The following CTNNA3 variants were observed in gnomAD, a reference collection of about 807,000 sequenced individuals.
The protein encoded by CTNNA3 is catenin alpha-3.
CTNNA3 carries 76 observed loss-of-function variants against 95.7 expected under a neutral mutation model. That is an observed-to-expected ratio of 0.79 (90% confidence interval 0.66 to 0.96). The LOEUF is 0.96. Among genes scored for constraint, CTNNA3 ranks in the 40% least tolerant of loss-of-function variants. The pLI is 0.00. For missense variants in CTNNA3, 1,191 were observed against 1,089.8 expected, an observed-to-expected ratio of 1.09 and a Z score of -1.31; for synonymous variants, 431 against 374.4, an observed-to-expected ratio of 1.15 and a Z score of -1.74.
intron 15 of CTNNA3, among the ~76,000 whole-genome samples, chr10:66,033,083 T>C (rs75430119): frequency 0.022 from 3,366 of 152,120 alleles, 124 homozygotes; most frequent in African/African-American, 0.077. Context: ...TGCTCCTCCC[T>C]GGAAGTTACA....
At position 66,367,054 on chromosome 10, in the gene CTNNA3, C is replaced by G. The variant is rs932887053; in HGVS notation, c.1732+12098G>C. ...AGAATGTGCAGCCCACACACCCGGGCCTGGGAGACTTGCACACCTACCTAG... is the reference window on the plus strand; with the variant it reads ...AGAATGTGCAGCCCACACACCCGGGGCTGGGAGACTTGCACACCTACCTAG... On this transcript the variant is annotated intron_variant, in intron 12 of 17. Transcript: ENST00000433211. Among the ~76,000 whole-genome samples the G allele has an allele frequency of 2.0e-5, 3 of 152,126 alleles. No homozygotes were observed. In the South Asian group the frequency reaches 6.2e-4, roughly 31 times the overall value.
At chr10:67,175,056 A>G (rs1226079953) in intron 7 of CTNNA3, among the ~76,000 whole-genome samples, 1 of 143,282 alleles carries the variant, frequency 7.0e-6, no homozygotes, top group African/African-American at 2.6e-5. Context: ...GACAATTCTC[A>G]TATGCAGTCC....
intron 5 of CTNNA3, among the ~76,000 whole-genome samples, chr10:67,371,160 C>T (rs1024890557): frequency 2.6e-5 from 4 of 151,892 alleles, no homozygotes; most frequent in Non-Finnish European, 5.9e-5. Flanking sequence ...GCCACCGCGC[C>T]CGGCCAAGAG....
chr10:67,184,775 T>G (rs1862753190), intron 6 of CTNNA3, among the ~76,000 whole-genome samples: 1 of 152,238 alleles, frequency 6.6e-6, no homozygotes, highest in Non-Finnish European at 1.5e-5. Context: ...TTTACCATTC[T>G]TTTGCCCAGT....
rs1447578377 is a variant in CTNNA3 at position 67,301,994 on chromosome 10, CGAAAGAACGAAA to C, written c.580-82136_580-82125del. ...AAAGAAAAAAGAAAGAAAGAAAGAA[CGAAAGAACGAAA>C]GAAAGAAAGAAAGAAAGAAAGAAAG... On this transcript the variant is annotated intron_variant, in intron 5 of 17. Coordinates refer to ENST00000433211, the MANE Select transcript of CTNNA3 (RefSeq NM_013266.4). 4.4e-3 allele frequency among the ~76,000 whole-genome samples: 160 copies of C among 36,638 alleles called. 2 individuals carry two copies. Among genetic ancestry groups the C allele is most frequent in the African/African-American group, 7.5e-3 (25 of 3,326 alleles). The allele number at this position is 36,638 out of a possible 152,430, so 24.0% of individuals were successfully genotyped here.
At chr10:65,997,156 G>T (rs1446705695) in intron 15 of CTNNA3, among the ~76,000 whole-genome samples, 1 of 152,064 alleles carries the variant, frequency 6.6e-6, no homozygotes, top group Non-Finnish European at 1.5e-5. Flanking sequence ...TCTCATAGTG[G>T]TTCTCCCACT....
chr10:67,662,772 G>A (rs550011347), intron 1 of CTNNA3, among the ~76,000 whole-genome samples: 7 of 152,096 alleles, frequency 4.6e-5, no homozygotes, highest in Non-Finnish European at 7.4e-5. Flanking sequence ...ATTTGATTGT[G>A]GCGGTGATGG....
rs1020079642 is a variant in CTNNA3 at position 66,999,713 on chromosome 10, A to C, written c.1047+180604T>G. The stretch of plus-strand genomic sequence containing the variant: ...TAGAAATGAATAATGTACATTTCAT[A>C]AGTCTTTAAGCAAAAAACAATTGGC... On this transcript the variant is annotated intron_variant, in intron 7 of 17. Transcript: ENST00000433211. Among the ~76,000 whole-genome samples the C allele has an allele frequency of 2.0e-5, 3 of 152,198 alleles. No individual in the cohort carries two copies. In the East Asian group the frequency reaches 5.8e-4, roughly 29 times the overall value.
intron 9 of CTNNA3, among the ~76,000 whole-genome samples, chr10:66,721,858 C>T (rs574617722): frequency 6.6e-6 from 1 of 152,288 alleles, no homozygotes; most frequent in South Asian, 2.1e-4. Context: ...AATCCTCATG[C>T]TGTCATACCC....
In CTNNA3 at chr10:66,500,081, G is replaced by A. The variant is rs193201722; in HGVS notation, c.1531+20536C>T. 4.9e-4 allele frequency among the ~76,000 whole-genome samples: 75 copies of A among 152,004 alleles called. 1 individual carries two copies. The highest frequency in any genetic ancestry group is 2.9e-3 in the Admixed American group (45 of 15,256). ...CTCCCAAAGTGCTAGGATTACAGGCGTGAGCCACTGCACCCGGCCAATAGT... is the reference window on the plus strand; with the variant it reads ...CTCCCAAAGTGCTAGGATTACAGGCATGAGCCACTGCACCCGGCCAATAGT... On this transcript the variant is annotated intron_variant, in intron 11 of 17. Coordinates refer to ENST00000433211, the MANE Select transcript of CTNNA3 (RefSeq NM_013266.4).
At chr10:67,680,451 G>A (rs1840605804) in intron 1 of CTNNA3, among the ~76,000 whole-genome samples, 1 of 152,152 alleles carries the variant, frequency 6.6e-6, no homozygotes, top group East Asian at 1.9e-4. Flanking sequence ...TGAGATTTTA[G>A]AACGTCACAG....
At chr10:66,399,908 T>C (rs879790451) in intron 11 of CTNNA3, among the ~76,000 whole-genome samples, 5 of 152,130 alleles carry the variant, frequency 3.3e-5, no homozygotes, top group Non-Finnish European at 5.9e-5. Flanking sequence ...ATGCCACTTG[T>C]TTATAAGTTG....
chr10:66,103,055 A>G (rs1390417120), intron 14 of CTNNA3, 102 bp downstream of exon 14: 2 of 875,888 alleles, frequency 2.3e-6, no homozygotes, highest in Non-Finnish European at 3.9e-6. Context: ...CTAGCTCCAG[A>G]TCCAGGAGTC....
intron 7 of CTNNA3, among the ~76,000 whole-genome samples, chr10:66,804,415 G>A (rs1841557569): frequency 1.3e-5 from 2 of 151,870 alleles, no homozygotes; most frequent in Non-Finnish European, 2.9e-5. Context: ...GTCACTTCTG[G>A]AAAAACTCTC....
intron 11 of CTNNA3, among the ~76,000 whole-genome samples, chr10:66,412,381 T>C (rs924399937): frequency 2.6e-5 from 4 of 151,598 alleles, no homozygotes; most frequent in Non-Finnish European, 5.9e-5. Context: ...ATTAAATAGG[T>C]TGGTGGAACA....
At position 67,312,609 on chromosome 10, in the gene CTNNA3, C is replaced by T. The variant is rs539811542; in HGVS notation, c.580-92739G>A. On this transcript the variant is annotated intron_variant, in intron 5 of 17. Coordinates refer to ENST00000433211, the MANE Select transcript of CTNNA3 (RefSeq NM_013266.4). ...GGGGGAGAAGAGGAGACTGGACATGCACATAGCAAAGACCAGCCTTAGAAG... is the reference window on the plus strand; with the variant it reads ...GGGGGAGAAGAGGAGACTGGACATGTACATAGCAAAGACCAGCCTTAGAAG... Among the ~76,000 whole-genome samples the T allele has an allele frequency of 5.3e-5, 8 of 152,288 alleles. No individual in the cohort carries two copies. The South Asian group carries it at 1.2e-3, about 24-fold the overall frequency.
chr10:66,189,600 TTATA>T (rs539638553), intron 13 of CTNNA3, among the ~76,000 whole-genome samples: 1 of 89,356 alleles, frequency 1.1e-5, no homozygotes. Context: ...TACTATAGAT[TTATA>T]TATATATATA....
intron 7 of CTNNA3, among the ~76,000 whole-genome samples, chr10:66,880,053 C>T (rs1286228368): frequency 6.6e-6 from 1 of 151,994 alleles, no homozygotes; most frequent in African/African-American, 2.4e-5. Context: ...TCAGAATGTA[C>T]TATAGATGTC....
chr10:67,229,044 A>G (rs1170478551), intron 5 of CTNNA3, among the ~76,000 whole-genome samples: 1 of 152,226 alleles, frequency 6.6e-6, no homozygotes, highest in Non-Finnish European at 1.5e-5. Context: ...GAGATCCCTG[A>G]TGAATATAGA....
Sources: gnomAD v4.1 joint callset for allele counts (sites outside exome capture counted in the v4.1 genomes callset) on GRCh38, gnomAD v4.1.1 for gene constraint, MANE v1.5 for transcripts, NCBI Gene and HGNC (gene_info 2026-07-23, HGNC 2026-07-21) for gene names.